The following MECOM variants were observed in gnomAD, a reference collection of about 807,000 sequenced individuals.
MECOM encodes histone-lysine N-methyltransferase MECOM.
A neutral mutation model predicts 116.3 loss-of-function variants in MECOM; 13 were observed. The observed-to-expected ratio is 0.11, with a 90% CI of 0.07 to 0.18. MECOM has a LOEUF of 0.18. Ranked by LOEUF, MECOM falls within the 10% of genes least tolerant of loss-of-function variation. The pLI, the probability that MECOM is intolerant of heterozygous loss-of-function variation, is 1.00. For synonymous variants in MECOM, 528 were observed against 535.2 expected (o/e 0.99, Z 0.19); for missense variants, 1,299 against 1,509.0 (o/e 0.86, Z 2.31).
At position 169,109,925 on chromosome 3, in the gene MECOM, A is replaced by G. The variant is rs570476421; in HGVS notation, c.2578-1973T>C. On this transcript the variant is annotated intron_variant, in intron 9 of 16. Transcript: ENST00000651503. ...GTAAAACCAGACTTGCCCAGAGAATACCACTATGAAGCATCCTTCTTTCTT... is the reference window on the plus strand; with the variant it reads ...GTAAAACCAGACTTGCCCAGAGAATGCCACTATGAAGCATCCTTCTTTCTT... 3.3e-5 allele frequency among the ~76,000 whole-genome samples: 5 copies of G among 152,304 alleles called. No individual in the cohort carries two copies. The South Asian group carries it at 1.0e-3, about 32-fold the overall frequency.
chr3:169,522,018 A>C (rs1222521751), intron 1 of MECOM, among the ~76,000 whole-genome samples: 1 of 152,216 alleles, frequency 6.6e-6, no homozygotes, highest in Admixed American at 6.5e-5. Context: ...ATGCCATTTT[A>C]TGTCAGAGAC....
intron 7 of MECOM, among the ~76,000 whole-genome samples, chr3:169,117,146 A>G (rs1201263588): frequency 6.6e-6 from 1 of 152,180 alleles, no homozygotes; most frequent in Non-Finnish European, 1.5e-5. Context: ...ACCCCTTTCA[A>G]ATTTTAGAGT....
intron 1 of MECOM, among the ~76,000 whole-genome samples, chr3:169,520,939 G>A (rs1044528799): frequency 1.3e-5 from 2 of 152,278 alleles, no homozygotes; most frequent in Admixed American, 6.5e-5. Flanking sequence ...TATGTTCAGC[G>A]AGATAAAATC....
intron 1 of MECOM, among the ~76,000 whole-genome samples, chr3:169,546,472 T>C (rs780533381): frequency 2.6e-5 from 4 of 152,166 alleles, no homozygotes; most frequent in Non-Finnish European, 5.9e-5. Context: ...TCACCTAACA[T>C]ATGAAGAAAG....
At chr3:169,270,766 T>C (rs964619269) in intron 2 of MECOM, among the ~76,000 whole-genome samples, 5 of 152,120 alleles carry the variant, frequency 3.3e-5, no homozygotes, top group African/African-American at 1.2e-4. Context: ...AAGTAAATTA[T>C]TGCCCCTGGA....
chr3:169,232,729 T>C (rs1308059671), intron 2 of MECOM, among the ~76,000 whole-genome samples: 2 of 152,058 alleles, frequency 1.3e-5, no homozygotes, highest in Middle Eastern at 3.2e-3. Context: ...AATGAGAATT[T>C]TTTAAAGTAA....
intron 1 of MECOM, among the ~76,000 whole-genome samples, chr3:169,461,076 A>T (rs1335220532): frequency 6.6e-6 from 1 of 151,986 alleles, no homozygotes; most frequent in Non-Finnish European, 1.5e-5. Flanking sequence ...TTTTTTTCTA[A>T]AACAGACAAG....
intron 2 of MECOM, chr3:169,147,341 T>C: frequency 1.0e-6 from 1 of 985,504 alleles, no homozygotes; most frequent in Non-Finnish European, 1.2e-6. Context: ...TCGTCCCCTT[T>C]CGCAACTCCA....
At chr3:169,418,248 T>C (rs1278155938) in intron 1 of MECOM, among the ~76,000 whole-genome samples, 1 of 151,322 alleles carries the variant, frequency 6.6e-6, no homozygotes, top group African/African-American at 2.4e-5. Context: ...GAAATTGAGG[T>C]ACTAATTAAT....
chr3:169,605,660 G>C (rs914854214), intron 1 of MECOM, among the ~76,000 whole-genome samples: 4 of 152,188 alleles, frequency 2.6e-5, no homozygotes, highest in Non-Finnish European at 2.9e-5. Context: ...GATCAGGTGA[G>C]GATGCAGTAC....
intron 10 of MECOM, among the ~76,000 whole-genome samples, chr3:169,105,070 AG>A (rs2148981564): frequency 6.6e-6 from 1 of 152,224 alleles, no homozygotes; most frequent in South Asian, 2.1e-4. Context: ...AAGCGAGCTG[AG>A]GGTAACTATT....
intron 2 of MECOM, among the ~76,000 whole-genome samples, chr3:169,213,827 C>T (rs1484925772): frequency 1.3e-5 from 2 of 152,022 alleles, no homozygotes; most frequent in Non-Finnish European, 2.9e-5. Flanking sequence ...CAGAAGTTTC[C>T]GTTTATTTTA....
chr3:169,367,172 G>C (rs1348858117), intron 2 of MECOM, among the ~76,000 whole-genome samples: 1 of 152,098 alleles, frequency 6.6e-6, no homozygotes, highest in East Asian at 1.9e-4. Context: ...ATTATGAGGA[G>C]AGTGAGAATT....
chr3:169,651,016 T>C (rs1033005529), intron 1 of MECOM, among the ~76,000 whole-genome samples: 12 of 152,248 alleles, frequency 7.9e-5, no homozygotes, highest in Non-Finnish European at 4.4e-5. Context: ...CTTGTCTGAT[T>C]GCTCTGACTA....
At chr3:169,641,978 A>T (rs1773548587) in intron 1 of MECOM, among the ~76,000 whole-genome samples, 1 of 152,238 alleles carries the variant, frequency 6.6e-6, no homozygotes, top group African/African-American at 2.4e-5. Context: ...TTAATGATAC[A>T]TTTACCAGTG....
At chr3:169,338,600 G>GT (rs1723967259) in intron 2 of MECOM, among the ~76,000 whole-genome samples, 1 of 146,442 alleles carries the variant, frequency 6.8e-6, no homozygotes, top group Non-Finnish European at 1.5e-5. Context: ...TTATGTTAGG[G>GT]GTGTGTGTGT....
intron 2 of MECOM, among the ~76,000 whole-genome samples, chr3:169,157,069 A>C (rs1308943923): frequency 6.6e-6 from 1 of 152,202 alleles, no homozygotes; most frequent in Non-Finnish European, 1.5e-5. Context: ...GAGAAACAGA[A>C]CATTTCATAG....
intron 1 of MECOM, among the ~76,000 whole-genome samples, chr3:169,523,975 C>T (rs55823955): frequency 6.8e-5 from 10 of 146,214 alleles, no homozygotes; most frequent in South Asian, 2.1e-4. Flanking sequence ...CATATATACA[C>T]GCACATACAC....
At chr3:169,354,839 C>T (rs1197218352) in intron 2 of MECOM, among the ~76,000 whole-genome samples, 1 of 151,796 alleles carries the variant, frequency 6.6e-6, no homozygotes, top group Admixed American at 6.6e-5. Flanking sequence ...CAAACAAGCC[C>T]CAGGAGACAC....
Sources: gnomAD v4.1 joint callset for allele counts (sites outside exome capture counted in the v4.1 genomes callset) on GRCh38, gnomAD v4.1.1 for gene constraint, MANE v1.5 for transcripts, NCBI Gene and HGNC (gene_info 2026-07-23, HGNC 2026-07-21) for gene names.